The following AFG2A variants were observed in gnomAD, a reference collection of about 807,000 sequenced individuals.
AFG2A encodes AAA ATPase AFG2A.
the AFG2A span, among the ~76,000 whole-genome samples, chr4:123,227,174 T>C: frequency 2.0e-5 from 3 of 152,316 alleles, no homozygotes; most frequent in East Asian, 5.8e-4. Flanking sequence ...CCTGGATTCA[T>C]TGATTTTTTG....
At chr4:123,148,883 C>T in the AFG2A span, among the ~76,000 whole-genome samples, 2 of 151,902 alleles carry the variant, frequency 1.3e-5, no homozygotes, top group Non-Finnish European at 2.9e-5. Flanking sequence ...ATTCTCTTGC[C>T]TCAGCCTCCC....
chr4:122,925,105 G>A, the AFG2A span, among the ~76,000 whole-genome samples: 1 of 151,912 alleles, frequency 6.6e-6, no homozygotes, highest in South Asian at 2.1e-4. Context: ...TTTTCCCGCT[G>A]CAAAATTCAG....
chr4:123,024,240 A>AG, the AFG2A span, among the ~76,000 whole-genome samples: 1 of 150,082 alleles, frequency 6.7e-6, no homozygotes, highest in Non-Finnish European at 1.5e-5. Flanking sequence ...AAAAAAAAAA[A>AG]AGAAACAAAA....
At chr4:123,230,550 A>G in the AFG2A span, among the ~76,000 whole-genome samples, 1 of 151,872 alleles carries the variant, frequency 6.6e-6, no homozygotes, top group Non-Finnish European at 1.5e-5. Flanking sequence ...GTTGGAATCA[A>G]CTTCTTCCAC....
At chr4:123,023,345 T>C in the AFG2A span, among the ~76,000 whole-genome samples, 2 of 152,048 alleles carry the variant, frequency 1.3e-5, no homozygotes, top group African/African-American at 4.8e-5. Flanking sequence ...ACTGCATATG[T>C]ACTCCTTGAA....
At chr4:123,146,972 C>A in the AFG2A span, among the ~76,000 whole-genome samples, 1 of 152,104 alleles carries the variant, frequency 6.6e-6, no homozygotes, top group Non-Finnish European at 1.5e-5. Flanking sequence ...CCTTTCACTT[C>A]CAAGTTATTT....
At chr4:123,116,761 A>C in the AFG2A span, among the ~76,000 whole-genome samples, 18 of 152,234 alleles carry the variant, frequency 1.2e-4, no homozygotes, top group African/African-American at 4.1e-4. Context: ...ACATAAACAC[A>C]GTCTTCGAAA....
chr4:123,237,772 G>C, the AFG2A span, among the ~76,000 whole-genome samples: 1 of 151,848 alleles, frequency 6.6e-6, no homozygotes, highest in Non-Finnish European at 1.5e-5. Flanking sequence ...ACAGAAGTTG[G>C]GTGATTTCTG....
At chr4:123,027,275 C>G in the AFG2A span, among the ~76,000 whole-genome samples, 4 of 152,120 alleles carry the variant, frequency 2.6e-5, no homozygotes, top group East Asian at 5.8e-4. Flanking sequence ...GAATTCCTTC[C>G]TCTGGTCTTC....
At chr4:123,268,537 C>A in the AFG2A span, among the ~76,000 whole-genome samples, 35 of 152,236 alleles carry the variant, frequency 2.3e-4, no homozygotes, top group African/African-American at 8.2e-4. Flanking sequence ...CAAACCATCA[C>A]ATTCAAAGGA....
At chr4:123,127,821 G>A in the AFG2A span, among the ~76,000 whole-genome samples, 1 of 152,058 alleles carries the variant, frequency 6.6e-6, no homozygotes, top group Non-Finnish European at 1.5e-5. Context: ...AATGTAGTTT[G>A]GAAAGTTTTA....
the AFG2A span, among the ~76,000 whole-genome samples, chr4:123,105,654 C>A: frequency 6.6e-6 from 1 of 151,968 alleles, no homozygotes; most frequent in Non-Finnish European, 1.5e-5. Context: ...TTGATTCCAG[C>A]CCTCAGGGAT....
the AFG2A span, among the ~76,000 whole-genome samples, chr4:123,157,069 G>A: frequency 6.6e-6 from 1 of 151,742 alleles, no homozygotes; most frequent in African/African-American, 2.4e-5. Context: ...AGGCTGGAGT[G>A]CAGTGGTGCA....
chr4:123,299,006 A>G, the AFG2A span, among the ~76,000 whole-genome samples: 2 of 152,300 alleles, frequency 1.3e-5, no homozygotes, highest in South Asian at 2.1e-4. Flanking sequence ...AGTTAATTTT[A>G]AAAGACTCAC....
At chr4:123,077,268 C>T in the AFG2A span, among the ~76,000 whole-genome samples, 26 of 152,014 alleles carry the variant, frequency 1.7e-4, no homozygotes, top group Admixed American at 1.2e-3. Context: ...AGGATGGTCT[C>T]GATCTCCTGA....
At chr4:122,956,726 GA>G in the AFG2A span, among the ~76,000 whole-genome samples, 1 of 152,142 alleles carries the variant, frequency 6.6e-6, no homozygotes. Context: ...CGCCTATGAG[GA>G]GTAGTTTTTA....
At chr4:123,129,938 C>T in the AFG2A span, among the ~76,000 whole-genome samples, 7 of 151,942 alleles carry the variant, frequency 4.6e-5, no homozygotes, top group Non-Finnish European at 8.8e-5. Flanking sequence ...TGATCATACA[C>T]GTGAGAAACT....
the AFG2A span, among the ~76,000 whole-genome samples, chr4:123,261,147 T>C: frequency 2.0e-5 from 3 of 152,146 alleles, no homozygotes; most frequent in Admixed American, 1.3e-4. Context: ...CCCAAAAATG[T>C]TGGGGACTGC....
the AFG2A span, among the ~76,000 whole-genome samples, chr4:122,927,405 A>G: frequency 6.6e-6 from 1 of 152,220 alleles, no homozygotes; most frequent in Non-Finnish European, 1.5e-5. Context: ...CTCACCCCAT[A>G]AAACATCTTC....
Sources: gnomAD v4.1 joint callset for allele counts (sites outside exome capture counted in the v4.1 genomes callset) on GRCh38, gnomAD v4.1.1 for gene constraint, MANE v1.5 for transcripts, NCBI Gene and HGNC (gene_info 2026-07-23, HGNC 2026-07-21) for gene names.